The following ANKHD1 variants were observed in gnomAD, a reference collection of about 807,000 sequenced individuals.
ANKHD1 encodes the protein ankyrin repeat and KH domain-containing protein 1.
ANKHD1 carries 31 observed loss-of-function variants against 230.5 expected under a neutral mutation model. That is an observed-to-expected ratio of 0.13 (90% CI 0.10 to 0.18). The LOEUF is 0.18. Ranked by LOEUF, ANKHD1 falls within the 10% of genes least tolerant of loss-of-function variation. The pLI is 1.00. For synonymous variants in ANKHD1, 1,074 were observed against 1,117.6 expected (o/e 0.96, Z 0.78); for missense variants, 2,256 against 3,071.3 (o/e 0.73, Z 6.27).
At chr5:140,438,410 A>C in intron 2 of ANKHD1, 51 bp from the exon 3 acceptor site, 1 of 1,468,240 alleles carries the variant, frequency 6.8e-7, no homozygotes, top group Non-Finnish European at 9.1e-7. Flanking sequence ...GCACTTTTAT[A>C]CTTTTTTTTT....
intron 29 of ANKHD1, among the ~76,000 whole-genome samples, chr5:140,533,097 C>CAAAAAAAAAA (rs113564152): frequency 1.6e-5 from 2 of 125,560 alleles, no homozygotes; most frequent in Admixed American, 8.0e-5. Flanking sequence ...ACTCTGTCTC[C>CAAAAAAAAAA]AAAAAAAAAA....
intron 10 of ANKHD1, chr5:140,472,456 A>G: frequency 7.4e-7 from 1 of 1,352,190 alleles, no homozygotes; most frequent in South Asian, 2.1e-5. Context: ...GTCCCAATAA[A>G]AAGAGATTTG....
intron 1 of ANKHD1, among the ~76,000 whole-genome samples, chr5:140,423,624 C>A (rs1465984175): frequency 6.6e-6 from 1 of 152,206 alleles, no homozygotes; most frequent in African/African-American, 2.4e-5. Context: ...CTTAGATATC[C>A]ATGTGGCTTC....
intron 1 of ANKHD1, among the ~76,000 whole-genome samples, chr5:140,430,290 A>G (rs1025190038): frequency 1.3e-5 from 2 of 152,212 alleles, no homozygotes; most frequent in Non-Finnish European, 2.9e-5. Context: ...AGTCAGAGGT[A>G]GGAAAAAAGA....
chr5:140,490,231 G>A (rs1021292281), intron 14 of ANKHD1, among the ~76,000 whole-genome samples: 1 of 152,018 alleles, frequency 6.6e-6, no homozygotes, highest in African/African-American at 2.4e-5. Context: ...CTCTTCCAGC[G>A]ATCATCTTTT....
At chr5:140,421,663 A>G (rs1771994615) in intron 1 of ANKHD1, among the ~76,000 whole-genome samples, 1 of 152,142 alleles carries the variant, frequency 6.6e-6, no homozygotes, top group Non-Finnish European at 1.5e-5. Flanking sequence ...AGTAACATAC[A>G]GTTTGACTTC....
At chr5:140,500,015 C>A (rs553198188) in intron 15 of ANKHD1, among the ~76,000 whole-genome samples, 1 of 151,856 alleles carries the variant, frequency 6.6e-6, no homozygotes. Flanking sequence ...ATTACAGGCA[C>A]CTGCCACCAC....
intron 6 of ANKHD1, among the ~76,000 whole-genome samples, chr5:140,446,891 T>G (rs551873301): frequency 6.6e-6 from 1 of 152,252 alleles, no homozygotes; most frequent in South Asian, 2.1e-4. Context: ...AAATATTCTT[T>G]ATTTTTTATT....
intron 24 of ANKHD1, among the ~76,000 whole-genome samples, chr5:140,520,952 C>T (rs1753324500): frequency 6.6e-6 from 1 of 150,554 alleles, no homozygotes; most frequent in South Asian, 2.1e-4. Flanking sequence ...AAAAGACTAT[C>T]CAGTATCCTA....
intron 1 of ANKHD1, among the ~76,000 whole-genome samples, chr5:140,428,717 A>T (rs1292610758): frequency 6.6e-6 from 1 of 152,214 alleles, no homozygotes; most frequent in Non-Finnish European, 1.5e-5. Flanking sequence ...GTTGAAATTC[A>T]TGAGAGTGGT....
chr5:140,510,998 T>C (rs1752742422), intron 22 of ANKHD1, among the ~76,000 whole-genome samples: 1 of 152,050 alleles, frequency 6.6e-6, no homozygotes, highest in Non-Finnish European at 1.5e-5. Flanking sequence ...TTTTTTATTT[T>C]TACTTTTTGT....
rs1364149400 is a variant in ANKHD1, at chr5:140,529,219, T to C, written c.6273T>C (p.Pro2091=). 3.1e-6 allele frequency: 5 copies of C among 1,614,104 alleles called. No individual in the cohort carries two copies. The Admixed American group carries it at 6.7e-5, about 22-fold the overall frequency. ...CATCCAGTGTGTCTGATTTAAGTCC[T>C]ATGTCAATGCCTTTTGCATCTAACT... ...AQPSSVSDLS[P]MSMPFASNSE... Residue 2091 remains proline, a synonymous_variant, in exon 29 of 34, where the codon CCT becomes CCC. Coordinates refer to ENST00000360839, the MANE Select transcript of ANKHD1 (RefSeq NM_017747.3).
At chr5:140,490,985 C>T (rs1751745832) in intron 14 of ANKHD1, among the ~76,000 whole-genome samples, 1 of 150,468 alleles carries the variant, frequency 6.6e-6, no homozygotes, top group Non-Finnish European at 1.5e-5. Flanking sequence ...CATTCCCCTG[C>T]TTCCCCCATA....
At chr5:140,481,259 T>C (rs1312966096) in intron 10 of ANKHD1, among the ~76,000 whole-genome samples, 1 of 152,116 alleles carries the variant, frequency 6.6e-6, no homozygotes, top group Non-Finnish European at 1.5e-5. Flanking sequence ...GTGATACATA[T>C]TCAGTTTTAT....
chr5:140,452,479 C>T (rs1236372521), intron 7 of ANKHD1, among the ~76,000 whole-genome samples: 2 of 152,116 alleles, frequency 1.3e-5, no homozygotes, highest in Non-Finnish European at 2.9e-5. Context: ...CCAGTAGGGG[C>T]AGACTGACAC....
At chr5:140,405,842 A>AG (rs1366389246) in intron 1 of ANKHD1, among the ~76,000 whole-genome samples, 1 of 151,914 alleles carries the variant, frequency 6.6e-6, no homozygotes, top group Non-Finnish European at 1.5e-5. Flanking sequence ...CACGTTGGCC[A>AG]GGCTGGTCTC....
intron 15 of ANKHD1, among the ~76,000 whole-genome samples, chr5:140,498,506 A>G (rs1275000394): frequency 1.3e-5 from 2 of 152,222 alleles, no homozygotes; most frequent in African/African-American, 4.8e-5. Flanking sequence ...TTTCTTAAAG[A>G]AAATTAAAAT....
intron 14 of ANKHD1, among the ~76,000 whole-genome samples, chr5:140,488,941 C>T (rs192414896): frequency 1.1e-4 from 17 of 151,908 alleles, no homozygotes; most frequent in African/African-American, 3.9e-4. Context: ...CTATAATCCC[C>T]GCACTTTGGC....
In ANKHD1 at chr5:140,507,781, T is replaced by C. The variant is rs779037659; in HGVS notation, c.3552-4T>C. The C allele has an allele frequency of 6.2e-7, 1 of 1,613,892 alleles. No homozygotes were observed. The highest frequency in any genetic ancestry group is 8.5e-7 in the Non-Finnish European group (1 of 1,179,816). On this transcript the variant is annotated splice_polypyrimidine_tract_variant and splice_region_variant and intron_variant, in intron 19 of 33. Transcript: ENST00000360839. This position sits in a 1 kb window ranked among gnomAD's most constrained non-coding sequence, Gnocchi z 4.1. ...TAATTTTCTAAGCACATTTCCCCCT[T>C]TAGGACTGGGAGTAAACTAGGTATT... is the stretch of plus-strand genomic sequence containing the variant.
Sources: gnomAD v4.1 joint callset for allele counts (sites outside exome capture counted in the v4.1 genomes callset) on GRCh38, gnomAD v4.1.1 for gene constraint, Gnocchi (gnomAD v3.1) non-coding constraint, MANE v1.5 for transcripts, NCBI Gene and HGNC (gene_info 2026-07-23, HGNC 2026-07-21) for gene names.